The following NELL1 variants were observed in gnomAD, a reference collection of about 807,000 sequenced individuals.
The protein encoded by NELL1 is protein kinase C-binding protein NELL1.
A neutral mutation model predicts 107.4 loss-of-function variants in NELL1; 76 were observed. That is an observed-to-expected ratio of 0.71 (90% CI 0.59 to 0.86). NELL1 has a LOEUF of 0.86. NELL1 is among the 40% of genes least tolerant of loss of function. NELL1 has a pLI of 0.00. For missense variants in NELL1, 1,024 were observed against 1,005.5 expected, an observed-to-expected ratio of 1.02 and a Z score of -0.25; for synonymous variants, 353 against 341.2, an observed-to-expected ratio of 1.03 and a Z score of -0.38.
At chr11:20,716,689 A>C (rs562902215) in intron 2 of NELL1, among the ~76,000 whole-genome samples, 67 of 152,312 alleles carry the variant, frequency 4.4e-4, no homozygotes, top group African/African-American at 1.5e-3. Context: ...CTACATTCAA[A>C]TCCTAGCTAT....
At position 20,914,358 on chromosome 11, in the gene NELL1, A is replaced by G. The variant is rs1850198873; in HGVS notation, c.604-3824A>G. 2.6e-5 allele frequency among the ~76,000 whole-genome samples: 4 copies of G among 152,060 alleles called. No homozygotes were observed. The South Asian group carries it at 8.3e-4, about 32-fold the overall frequency. On this transcript the variant is annotated intron_variant, in intron 5 of 19. Coordinates refer to ENST00000357134, the MANE Select transcript of NELL1 (RefSeq NM_006157.5). ...TTTGATCTGGAAGGGTAGGACAACC[A>G]GAAGGGTGGCAGCTTCCAGGTCATA...
chr11:20,836,035 G>A (rs1414012123), intron 3 of NELL1, among the ~76,000 whole-genome samples: 1 of 151,922 alleles, frequency 6.6e-6, no homozygotes, highest in Non-Finnish European at 1.5e-5. Context: ...CACATTTGAG[G>A]AAGGATTTAT....
chr11:20,764,676 G>C (rs1306476024), intron 2 of NELL1, among the ~76,000 whole-genome samples: 3 of 150,242 alleles, frequency 2.0e-5, no homozygotes, highest in African/African-American at 7.4e-5. Context: ...ATGTTACCCA[G>C]GTGATTCTGA....
At chr11:21,298,381 T>C (rs1849419073) in intron 14 of NELL1, among the ~76,000 whole-genome samples, 1 of 152,000 alleles carries the variant, frequency 6.6e-6, no homozygotes, top group Admixed American at 6.6e-5. Context: ...ATTTATTTCT[T>C]CTCTTCTCAG....
rs140416388 is a variant in NELL1, at chr11:21,410,085, A to T, written c.1645+39137A>T. On this transcript the variant is annotated intron_variant, in intron 15 of 19. Coordinates refer to ENST00000357134, the MANE Select transcript of NELL1 (RefSeq NM_006157.5). The stretch of plus-strand genomic sequence containing the variant: ...ACAATCTTGCCTTTTCAATGTTCTT[A>T]ACTATTTTCTGCATTGCAGTGTTTT... Among the ~76,000 whole-genome samples the T allele has an allele frequency of 5.6e-3, 854 of 152,174 alleles. 5 individuals are homozygous for T. Among genetic ancestry groups the T allele is most frequent in the Admixed American group, 0.01 (153 of 15,272 alleles).
At chr11:20,965,101 A>T (rs1851363560) in intron 12 of NELL1, among the ~76,000 whole-genome samples, 1 of 152,182 alleles carries the variant, frequency 6.6e-6, no homozygotes, top group Admixed American at 6.6e-5. Context: ...AACTGAAAGC[A>T]GTTTTTAATA....
chr11:20,757,964 G>A (rs1856334695), intron 2 of NELL1, among the ~76,000 whole-genome samples: 1 of 152,134 alleles, frequency 6.6e-6, no homozygotes. Context: ...TCAGGTTCTG[G>A]TGAGAACCTT....
chr11:21,106,598 G>A (rs955291979), intron 12 of NELL1, among the ~76,000 whole-genome samples: 2 of 152,112 alleles, frequency 1.3e-5, no homozygotes, highest in Non-Finnish European at 2.9e-5. Context: ...TGTTCTTGGA[G>A]TAGGAAAATG....
chr11:20,925,650 G>T (rs1232220097), intron 7 of NELL1, among the ~76,000 whole-genome samples: 1 of 152,068 alleles, frequency 6.6e-6, no homozygotes, highest in Non-Finnish European at 1.5e-5. Flanking sequence ...GGAGTGATAG[G>T]AAGCTAATAT....
intron 15 of NELL1, among the ~76,000 whole-genome samples, chr11:21,390,771 C>A (rs1419187966): frequency 2.0e-5 from 3 of 151,822 alleles, no homozygotes; most frequent in Admixed American, 2.0e-4. Context: ...ACCTCAGATT[C>A]TCTGCTAATA....
intron 12 of NELL1, among the ~76,000 whole-genome samples, chr11:20,996,915 C>A (rs1370795366): frequency 6.6e-6 from 1 of 152,136 alleles, no homozygotes; most frequent in Non-Finnish European, 1.5e-5. Context: ...CCTCCATATC[C>A]TCCACTGGAA....
chr11:21,531,565 G>T (rs1337449437), intron 15 of NELL1, among the ~76,000 whole-genome samples: 2 of 152,088 alleles, frequency 1.3e-5, no homozygotes, highest in Non-Finnish European at 2.9e-5. Flanking sequence ...CACATTTTCA[G>T]CTCTGTGCTG....
At chr11:20,749,968 G>A (rs751233659) in intron 2 of NELL1, among the ~76,000 whole-genome samples, 2 of 152,110 alleles carry the variant, frequency 1.3e-5, no homozygotes. Flanking sequence ...ATATTTAGGA[G>A]TGGAATTGCT....
intron 12 of NELL1, among the ~76,000 whole-genome samples, chr11:21,017,098 G>A (rs1007684255): frequency 6.6e-6 from 1 of 152,054 alleles, no homozygotes; most frequent in African/African-American, 2.4e-5. Context: ...TCATATTGCA[G>A]AGAAACAGGA....
intron 14 of NELL1, among the ~76,000 whole-genome samples, chr11:21,300,572 A>G (rs951985588): frequency 1.3e-5 from 2 of 151,928 alleles, no homozygotes; most frequent in Non-Finnish European, 2.9e-5. Flanking sequence ...TCAGGAGGCT[A>G]TAGTGGGCTC....
rs375324136 is a variant in NELL1, at chr11:21,295,499, G to T, written c.1549+66045G>T. Among the ~76,000 whole-genome samples the T allele has an allele frequency of 1.8e-4, 28 of 152,146 alleles. No individual in the cohort carries two copies. The East Asian group carries it at 3.3e-3, about 18-fold the overall frequency. On this transcript the variant is annotated intron_variant, in intron 14 of 19. Transcript: ENST00000357134. The stretch of plus-strand genomic sequence containing the variant: ...GGAATGATGTGCTATTGAAACAAAA[G>T]AATTGCTAAAATAATGATATGGAGT...
In NELL1 at chr11:21,380,129, T is replaced by C. The variant is rs150091803; in HGVS notation, c.1645+9181T>C. The stretch of plus-strand genomic sequence containing the variant: ...TTTTCTCAATTTGAGCTTTCTCAGG[T>C]TGTCTGGCACATGATTACTTGCTCA... On this transcript the variant is annotated intron_variant, in intron 15 of 19. Coordinates refer to ENST00000357134, the MANE Select transcript of NELL1 (RefSeq NM_006157.5). Among the ~76,000 whole-genome samples, 532 of 152,182 alleles carry C rather than the reference T, an allele frequency of 3.5e-3. 1 individual carries two copies. Among genetic ancestry groups the C allele is most frequent in the African/African-American group, 0.012 (504 of 41,558 alleles).
In NELL1 at chr11:20,909,021, C is replaced by T. The variant is rs80027746; in HGVS notation, c.604-9161C>T. Reference sequence around the variant, plus strand: ...ATAAGAAAGGAATGAAGTTCTGATACGTACTACAGTGTGGATAAGCCCTAA... The same window carrying T: ...ATAAGAAAGGAATGAAGTTCTGATATGTACTACAGTGTGGATAAGCCCTAA... On this transcript the variant is annotated intron_variant, in intron 5 of 19. Coordinates refer to ENST00000357134, the MANE Select transcript of NELL1 (RefSeq NM_006157.5). Among the ~76,000 whole-genome samples, 378 of 152,270 alleles carry T rather than the reference C, an allele frequency of 2.5e-3. 13 individuals are homozygous for T. In the East Asian group the frequency reaches 0.062, roughly 25 times the overall value.
At chr11:20,706,653 TA>T (rs1216218139) in intron 2 of NELL1, among the ~76,000 whole-genome samples, 2 of 151,978 alleles carry the variant, frequency 1.3e-5, no homozygotes, top group African/African-American at 4.8e-5. Flanking sequence ...ACATGTACCC[TA>T]AAACTTATAA....
Sources: gnomAD v4.1 joint callset for allele counts (sites outside exome capture counted in the v4.1 genomes callset) on GRCh38, gnomAD v4.1.1 for gene constraint, MANE v1.5 for transcripts, NCBI Gene and HGNC (gene_info 2026-07-23, HGNC 2026-07-21) for gene names.